The following PLCB1 variants were observed in gnomAD, a reference collection of about 807,000 sequenced individuals.
The protein encoded by PLCB1 is phospholipase C beta 1, also known as 1-phosphatidylinositol 4,5-bisphosphate phosphodiesterase beta-1.
Under a neutral mutation model 161.8 loss-of-function variants are expected in PLCB1, and 46 were observed. The ratio of observed to expected loss-of-function variants is 0.28; its 90% confidence interval spans 0.22 to 0.36. The LOEUF is 0.36. Ranked by LOEUF, PLCB1 falls within the 10% of genes least tolerant of loss-of-function variation. The probability of loss-of-function intolerance (pLI) is 1.00; values close to 1 mark genes in which losing one functional copy is unlikely to be tolerated. For synonymous variants in PLCB1, 517 were observed against 503.7 expected, an observed-to-expected ratio of 1.03 and a Z score of -0.35; for missense variants, 1,016 against 1,472.5, an observed-to-expected ratio of 0.69 and a Z score of 5.07.
intron 3 of PLCB1, among the ~76,000 whole-genome samples, chr20:8,372,884 G>A (rs17347805): frequency 0.048 from 7,371 of 152,220 alleles, 276 homozygotes; most frequent in Middle Eastern, 0.088. Context: ...GACAGTTGCC[G>A]ACACTGCATC....
chr20:8,673,234 A>G (rs1244610520), intron 9 of PLCB1, among the ~76,000 whole-genome samples: 4 of 152,118 alleles, frequency 2.6e-5, no homozygotes, highest in Admixed American at 2.6e-4. Context: ...CTAATAGGAA[A>G]TTCTACCAGG....
intron 21 of PLCB1, 136 bp from the exon 22 acceptor site, chr20:8,740,208 T>C: frequency 1.7e-6 from 1 of 588,800 alleles, no homozygotes; most frequent in Middle Eastern, 3.5e-4. Flanking sequence ...TTCATAAATG[T>C]TATTAAAATG....
rs540917452 is a variant in PLCB1 at position 8,762,339 on chromosome 20, A to G, written c.2710+1879A>G. Among the ~76,000 whole-genome samples the G allele has an allele frequency of 4.6e-5, 7 of 152,368 alleles. No individual in the cohort carries two copies. The East Asian group carries it at 1.2e-3, about 25-fold the overall frequency. ...GGACAAAAGGCAATGGTCTGTACCA[A>G]TACATTAGCTGTGATTATATCTTGG... On this transcript the variant is annotated intron_variant, in intron 25 of 31. Coordinates refer to ENST00000338037, the MANE Select transcript of PLCB1 (RefSeq NM_015192.4).
rs1555777243 is a variant in PLCB1, at chr20:8,622,255, G to GCA, written c.247-6039_247-6038insCA. Among the ~76,000 whole-genome samples, 94 of 116,530 alleles carry GCA rather than the reference G, an allele frequency of 8.1e-4. 1 individual carries two copies. The highest frequency in any genetic ancestry group is 3.4e-3 in the Admixed American group (39 of 11,400). The allele number at this position is 116,530 out of a possible 152,430, so 76.4% of individuals were successfully genotyped here. A position where few individuals can be genotyped will look rare whatever the true frequency, so the allele number is the denominator to read the frequency against. ...GTGACAGAGCAAGACTCTGCCTCAG[G>GCA]AAAAAAAAAAAAAAAGAATCTTAGT... On this transcript the variant is annotated intron_variant, in intron 3 of 31. Transcript: ENST00000338037.
At chr20:8,629,952 T>TTC (rs1568536192) in intron 4 of PLCB1, among the ~76,000 whole-genome samples, 2 of 115,196 alleles carry the variant, frequency 1.7e-5, no homozygotes, top group Non-Finnish European at 1.6e-5. Context: ...CTCTCTTTCT[T>TTC]TTCTTTCTTT....
intron 2 of PLCB1, among the ~76,000 whole-genome samples, chr20:8,315,269 T>C (rs1415244219): frequency 1.3e-5 from 2 of 152,132 alleles, no homozygotes; most frequent in Non-Finnish European, 2.9e-5. Flanking sequence ...AGCAATTGCA[T>C]GCAAAATAAG....
In PLCB1 at chr20:8,371,443, C is replaced by G. The variant is rs766999339; in HGVS notation, c.239C>G (p.Ala80Gly). 2 of 1,611,944 alleles carry G rather than the reference C, an allele frequency of 1.2e-6. No homozygotes were observed. Residue 80 changes from alanine (A) to glycine (G), a missense_variant, in exon 3 of 32, where the codon GCT (alanine) becomes GGT (glycine). By Grantham distance (60) the Ala-to-Gly change is moderately conservative. Around this residue, in one of 10 missense-constraint regions of PLCB1, gnomAD observed 181 missense variants for 236.7 expected, o/e 0.76. Coordinates refer to ENST00000338037, the MANE Select transcript of PLCB1 (RefSeq NM_015192.4). ...GCCAGATGTGGGAGACACGCCAAAG[C>G]TCCCAAGGTAGGAGGTTGAGTGTTG... ...KDARCGRHAK[A>G]PKDPKLRELL...
chr20:8,360,716 G>A (rs1345504013), intron 2 of PLCB1, among the ~76,000 whole-genome samples: 1 of 152,176 alleles, frequency 6.6e-6, no homozygotes, highest in Non-Finnish European at 1.5e-5. Flanking sequence ...TGTCTTGCCA[G>A]AAAGCCAAAA....
intron 19 of PLCB1, among the ~76,000 whole-genome samples, chr20:8,735,651 A>T (rs190200495): frequency 6.6e-6 from 1 of 152,224 alleles, no homozygotes; most frequent in Non-Finnish European, 1.5e-5. Context: ...GCTTTGGTCA[A>T]ACATCTTAAA....
At chr20:8,211,815 A>C (rs1978838731) in intron 2 of PLCB1, among the ~76,000 whole-genome samples, 1 of 152,148 alleles carries the variant, frequency 6.6e-6, no homozygotes, top group African/African-American at 2.4e-5. Context: ...GTTTTCCTAA[A>C]ATAAATCATT....
rs1273193705 is a variant in PLCB1 at position 8,832,029 on chromosome 20, G to A, written c.3423+41768G>A. Among the ~76,000 whole-genome samples, 2 of 147,700 alleles carry A rather than the reference G, an allele frequency of 1.4e-5. 1 individual carries two copies. The highest frequency in any genetic ancestry group is 5.1e-5 in the African/African-American group (2 of 39,558). On this transcript the variant is annotated intron_variant, in intron 31 of 31. Coordinates refer to ENST00000338037, the MANE Select transcript of PLCB1 (RefSeq NM_015192.4). Reference sequence around the variant, plus strand: ...TTCTTTCTTTCGTATTGCTCCTTGTGTAGCAGGGCTATCCCATAGGCAGGG... The same window carrying A: ...TTCTTTCTTTCGTATTGCTCCTTGTATAGCAGGGCTATCCCATAGGCAGGG...
chr20:8,262,796 C>CT (rs574858720), intron 2 of PLCB1, among the ~76,000 whole-genome samples: 1 of 152,154 alleles, frequency 6.6e-6, no homozygotes, highest in Non-Finnish European at 1.5e-5. Context: ...TGCTTTCTGA[C>CT]TTGCAGCTGC....
Position 8,757,052 on chromosome 20 carries a change from C to T in PLCB1, c.2530C>T (p.Pro844Ser). ...DEEEVKKEAD[P>S]GETPSEAPSE... The stretch of plus-strand genomic sequence containing the variant: ...AGGATATTTATAATTTTAGGCTGAT[C>T]CTGGAGAAACACCATCAGAGGCTCC... The change falls in exon 24 of 32, where the codon CCT becomes TCT. Residue 844 changes from proline to serine, a missense_variant. By Grantham distance (74) the Pro-to-Ser change is moderately conservative. Around this residue, in one of 10 missense-constraint regions of PLCB1, gnomAD observed 398 missense variants for 445.4 expected, o/e 0.89. Coordinates refer to ENST00000338037, the MANE Select transcript of PLCB1 (RefSeq NM_015192.4). The T allele has an allele frequency of 1.2e-6, 2 of 1,601,460 alleles. No individual in the cohort carries two copies. Among genetic ancestry groups the T allele is most frequent in the Admixed American group, 1.7e-5 (1 of 57,430 alleles).
At chr20:8,180,626 A>C (rs1265678244) in intron 2 of PLCB1, among the ~76,000 whole-genome samples, 1 of 152,132 alleles carries the variant, frequency 6.6e-6, no homozygotes, top group African/African-American at 2.4e-5. Flanking sequence ...ATACAGGGGC[A>C]TGTAATATAC....
intron 3 of PLCB1, among the ~76,000 whole-genome samples, chr20:8,435,219 T>A (rs1277624153): frequency 6.6e-6 from 1 of 152,198 alleles, no homozygotes; most frequent in Non-Finnish European, 1.5e-5. Context: ...ATCCTTACTG[T>A]ACAAGACTAT....
At position 8,516,664 on chromosome 20, in the gene PLCB1, C is replaced by CAT. The variant is rs57237224; in HGVS notation, c.247-111585_247-111584dup. Among the ~76,000 whole-genome samples the CAT allele has an allele frequency of 4.7e-3, 339 of 72,186 alleles. 3 individuals carry two copies. Among genetic ancestry groups the CAT allele is most frequent in the East Asian group, 0.012 (17 of 1,394 alleles). The allele number at this position is 72,186 out of a possible 152,430, so 47.4% of individuals were successfully genotyped here. A position where few individuals can be genotyped will look rare whatever the true frequency, so the allele number is the denominator to read the frequency against. ...AAGGTTTTTATAGAAAATATAACAT[C>CAT]ATATATATATATATATATATATATA... On this transcript the variant is annotated intron_variant, in intron 3 of 31. Transcript: ENST00000338037.
chr20:8,497,200 A>G (rs1361243792), intron 3 of PLCB1, among the ~76,000 whole-genome samples: 1 of 152,218 alleles, frequency 6.6e-6, no homozygotes, highest in Non-Finnish European at 1.5e-5. Context: ...AGAAACAAAC[A>G]TTGAAATTTG....
At chr20:8,510,640 C>T (rs1037501843) in intron 3 of PLCB1, among the ~76,000 whole-genome samples, 11 of 152,148 alleles carry the variant, frequency 7.2e-5, no homozygotes, top group African/African-American at 2.7e-4. Context: ...ATCCGCCCGC[C>T]TCGGCCTCCC....
intron 3 of PLCB1, among the ~76,000 whole-genome samples, chr20:8,476,466 C>T (rs1982286587): frequency 6.6e-6 from 1 of 152,156 alleles, no homozygotes; most frequent in East Asian, 1.9e-4. Context: ...ATCTAATATT[C>T]TACTCATATT....
Sources: allele counts gnomAD v4.1 joint callset (sites outside exome capture counted in the v4.1 genomes callset), GRCh38; gene constraint gnomAD v4.1.1; regional missense constraint gnomAD v4.1.1; transcripts MANE v1.5; gene names NCBI Gene and HGNC (gene_info 2026-07-23, HGNC 2026-07-21).